CFAP299: variants seen among roughly 807,000 people sequenced by gnomAD.
CFAP299 encodes cilia and flagella associated protein 299.
A neutral mutation model predicts 27.0 loss-of-function variants in CFAP299; 21 were observed. The observed-to-expected ratio is 0.78, with a 90% CI of 0.55 to 1.12. CFAP299 has a LOEUF of 1.12. Ranked by LOEUF, CFAP299 falls within the 50% of genes most tolerant of loss-of-function variation. The pLI, the probability that CFAP299 is intolerant of heterozygous loss-of-function variation, is 0.00. For missense variants in CFAP299, 310 were observed against 276.6 expected, an observed-to-expected ratio of 1.12 and a Z score of -0.86; for synonymous variants, 104 against 98.1, an observed-to-expected ratio of 1.06 and a Z score of -0.36.
intron 2 of CFAP299, among the ~76,000 whole-genome samples, chr4:80,385,473 T>C (rs1283133108): frequency 6.6e-6 from 1 of 152,106 alleles, no homozygotes; most frequent in Non-Finnish European, 1.5e-5. Context: ...CAACAACATT[T>C]ATTGAGCAAG....
intron 2 of CFAP299, among the ~76,000 whole-genome samples, chr4:80,571,967 T>G (rs1417331157): frequency 4.6e-5 from 7 of 152,144 alleles, no homozygotes; most frequent in Non-Finnish European, 1.0e-4. Context: ...AATGATACAT[T>G]GAGAGAAGGA....
At chr4:80,773,424 T>A (rs1276159411) in intron 3 of CFAP299, among the ~76,000 whole-genome samples, 2 of 152,046 alleles carry the variant, frequency 1.3e-5, no homozygotes, top group African/African-American at 4.8e-5. Flanking sequence ...ATTTGGAGGG[T>A]ATGGATTTGA....
rs79996766 is a variant in CFAP299, at chr4:80,696,599, A to G, written c.333+113416A>G. Among the ~76,000 whole-genome samples, 365 of 152,310 alleles carry G rather than the reference A, an allele frequency of 2.4e-3. 1 individual carries two copies. Among genetic ancestry groups the G allele is most frequent in the African/African-American group, 8.3e-3 (347 of 41,578 alleles). ...TTCTACTCAAGGAGACAGACAATAA[A>G]CACATAAGTTTTTTAAAAACTTAAT... is the stretch of plus-strand genomic sequence containing the variant. On this transcript the variant is annotated intron_variant, in intron 3 of 5. Coordinates refer to ENST00000358105, the MANE Select transcript of CFAP299 (RefSeq NM_152770.3).
At chr4:80,392,695 A>T (rs969397727) in intron 2 of CFAP299, among the ~76,000 whole-genome samples, 14 of 152,098 alleles carry the variant, frequency 9.2e-5, no homozygotes, top group Admixed American at 8.5e-4. Context: ...TCTTCCCTTT[A>T]TAAATTACCC....
intron 4 of CFAP299, among the ~76,000 whole-genome samples, chr4:80,880,697 G>A (rs1733650426): frequency 6.6e-6 from 1 of 151,904 alleles, no homozygotes; most frequent in Non-Finnish European, 1.5e-5. Context: ...CCGTACTCCA[G>A]GCTAGGTGAC....
intron 2 of CFAP299, among the ~76,000 whole-genome samples, chr4:80,396,103 T>C (rs1725773906): frequency 6.6e-6 from 1 of 152,186 alleles, no homozygotes; most frequent in South Asian, 2.1e-4. Context: ...TTGTCAGCAT[T>C]CTCAATTTGC....
chr4:80,535,494 CAAAAAAAAAA>C lies in CFAP299; in HGVS notation c.243-47578_243-47569del, dbSNP rs143122836. 5.5e-3 allele frequency among the ~76,000 whole-genome samples: 184 copies of C among 33,274 alleles called. 11 individuals carry two copies. Among genetic ancestry groups the C allele is most frequent in the African/African-American group, 0.012 (183 of 15,108 alleles). 21.8% of individuals were successfully genotyped at this position (33,274 alleles called of 152,430 possible). A position where few individuals can be genotyped will look rare whatever the true frequency, so the allele number is the denominator to read the frequency against. Reference sequence around the variant, plus strand: ...TGGGCGACAGAGCGAGACTCCGTCTCAAAAAAAAAAAAAAAAAAAAAAAAAAAAAAGAACT... The same window carrying C: ...TGGGCGACAGAGCGAGACTCCGTCTCAAAAAAAAAAAAAAAAAAAAGAACT... On this transcript the variant is annotated intron_variant, in intron 2 of 5. Coordinates refer to ENST00000358105, the MANE Select transcript of CFAP299 (RefSeq NM_152770.3).
intron 1 of CFAP299, among the ~76,000 whole-genome samples, chr4:80,353,896 CT>C (rs775195584): frequency 6.6e-6 from 1 of 152,146 alleles, no homozygotes; most frequent in African/African-American, 2.4e-5. Context: ...AATAAAAAAA[CT>C]TTTTGAATAA....
intron 3 of CFAP299, among the ~76,000 whole-genome samples, chr4:80,781,087 T>G (rs567765444): frequency 5.8e-4 from 88 of 152,106 alleles, no homozygotes; most frequent in African/African-American, 2.0e-3. Context: ...CCCTAGTATA[T>G]TAGGTAAAGA....
chr4:80,919,934 A>G (rs1735961231), intron 4 of CFAP299, among the ~76,000 whole-genome samples: 2 of 152,126 alleles, frequency 1.3e-5, no homozygotes, highest in African/African-American at 4.8e-5. Flanking sequence ...TCCATAATGT[A>G]GGCTACAAAC....
At chr4:80,806,247 A>G (rs904147142) in intron 3 of CFAP299, among the ~76,000 whole-genome samples, 10 of 152,192 alleles carry the variant, frequency 6.6e-5, no homozygotes, top group African/African-American at 2.4e-4. Context: ...ATAATTCTCC[A>G]TATTTTACCT....
intron 2 of CFAP299, among the ~76,000 whole-genome samples, chr4:80,534,664 T>C (rs1456128397): frequency 6.6e-6 from 1 of 152,094 alleles, no homozygotes; most frequent in South Asian, 2.1e-4. Flanking sequence ...GTTTAAAGTA[T>C]AAAGATACTT....
intron 2 of CFAP299, among the ~76,000 whole-genome samples, chr4:80,561,811 A>T (rs546432725): frequency 6.6e-6 from 1 of 152,268 alleles, no homozygotes; most frequent in East Asian, 1.9e-4. Flanking sequence ...CACCTACAAG[A>T]TCTAGAAAAT....
chr4:80,653,466 C>T (rs1348789241), intron 3 of CFAP299, among the ~76,000 whole-genome samples: 2 of 152,130 alleles, frequency 1.3e-5, no homozygotes, highest in African/African-American at 4.8e-5. Context: ...AATATGCTTT[C>T]TACCCAAGGT....
At chr4:80,832,620 G>T (rs528961774) in intron 3 of CFAP299, among the ~76,000 whole-genome samples, 2 of 152,124 alleles carry the variant, frequency 1.3e-5, no homozygotes, top group South Asian at 4.1e-4. Flanking sequence ...AATATTTAAG[G>T]TTGGTTATTT....
At chr4:80,853,678 A>G (rs1376699158) in intron 3 of CFAP299, among the ~76,000 whole-genome samples, 1 of 152,204 alleles carries the variant, frequency 6.6e-6, no homozygotes, top group Non-Finnish European at 1.5e-5. Context: ...TATGCAAGAA[A>G]CAGACTATAT....
chr4:80,385,001 A>G (rs1281002974), intron 2 of CFAP299, among the ~76,000 whole-genome samples: 1 of 152,204 alleles, frequency 6.6e-6, no homozygotes, highest in Admixed American at 6.5e-5. Flanking sequence ...TGTTTAGGGT[A>G]TAAAAAGTGA....
chr4:80,637,698 A>G (rs1157320500), intron 3 of CFAP299, among the ~76,000 whole-genome samples: 1 of 152,230 alleles, frequency 6.6e-6, no homozygotes, highest in Non-Finnish European at 1.5e-5. Context: ...TTCCATAGAA[A>G]AGGACCTAAC....
chr4:80,840,951 A>C (rs927697670), intron 3 of CFAP299, among the ~76,000 whole-genome samples: 4 of 152,066 alleles, frequency 2.6e-5, no homozygotes, highest in African/African-American at 9.7e-5. Context: ...TCATGACAAA[A>C]CTAGAAGTAG....
Sources: allele counts gnomAD v4.1 joint callset (sites outside exome capture counted in the v4.1 genomes callset), GRCh38; gene constraint gnomAD v4.1.1; transcripts MANE v1.5; gene names NCBI Gene and HGNC (gene_info 2026-07-23, HGNC 2026-07-21).